The following CSMD3 variants were observed in gnomAD, a reference collection of about 807,000 sequenced individuals.
CSMD3 encodes the protein CUB and sushi domain-containing protein 3.
In CSMD3, 177 loss-of-function variants were observed where a neutral mutation model predicts 435.2. That is an observed-to-expected ratio of 0.41 (90% CI 0.36 to 0.46). CSMD3 has a LOEUF of 0.46. Ranked by LOEUF, CSMD3 falls within the 20% of genes least tolerant of loss-of-function variation. The pLI, the probability that CSMD3 is intolerant of heterozygous loss-of-function variation, is 0.34. For missense variants in CSMD3, 4,265 were observed against 4,504.6 expected (o/e 0.95, Z 1.52); for synonymous variants, 1,656 against 1,520.5 (o/e 1.09, Z -2.07).
intron 5 of CSMD3, among the ~76,000 whole-genome samples, chr8:113,026,169 A>G (rs1297545875): frequency 1.3e-5 from 2 of 152,176 alleles, no homozygotes; most frequent in Non-Finnish European, 2.9e-5. Context: ...CAAGAACTGT[A>G]GATGTGTATG....
At chr8:112,272,352 A>G (rs1161800832) in intron 59 of CSMD3, among the ~76,000 whole-genome samples, 3 of 152,302 alleles carry the variant, frequency 2.0e-5, no homozygotes, top group Admixed American at 6.5e-5. Context: ...TAACTGGCAT[A>G]CATCAAATAA....
intron 3 of CSMD3, among the ~76,000 whole-genome samples, chr8:113,212,287 T>C (rs1442866401): frequency 6.6e-6 from 1 of 152,154 alleles, no homozygotes; most frequent in African/African-American, 2.4e-5. Flanking sequence ...AGGATAACCA[T>C]ATTCACATAA....
chr8:112,701,085 A>T (rs1287237797), intron 13 of CSMD3, among the ~76,000 whole-genome samples: 1 of 152,134 alleles, frequency 6.6e-6, no homozygotes, highest in Non-Finnish European at 1.5e-5. Context: ...GCTGTCTTAG[A>T]AATACACCTC....
At chr8:113,179,956 A>AC (rs1264012973) in intron 3 of CSMD3, among the ~76,000 whole-genome samples, 17 of 151,930 alleles carry the variant, frequency 1.1e-4, no homozygotes, top group African/African-American at 4.1e-4. Flanking sequence ...AGAAAACCTT[A>AC]CCTTGAAAAT....
chr8:112,963,621 T>A (rs2084313426), intron 7 of CSMD3, among the ~76,000 whole-genome samples: 1 of 151,938 alleles, frequency 6.6e-6, no homozygotes, highest in Non-Finnish European at 1.5e-5. Flanking sequence ...AGCAATTATG[T>A]CTGTAAGAAA....
At position 113,019,100 on chromosome 8, in the gene CSMD3, G is replaced by T. The variant is rs1292775693; in HGVS notation, c.997C>A (p.His333Asn). The T allele has an allele frequency of 1.2e-6, 2 of 1,613,080 alleles. No homozygotes were observed. ...GGAGCACTAAATCCACGGTATCGAT[G>T]ATTGCTGTCTGTAACAAAATGCAGT... ...LRLHFVTDSN[H>N]RYRGFSAPYQ... Residue 333 changes from histidine to asparagine, a missense_variant, in exon 6 of 71, where the codon CAT becomes AAT. Coordinates refer to ENST00000297405, the MANE Select transcript of CSMD3 (RefSeq NM_198123.2).
chr8:112,639,439 G>A (rs1163356435), intron 20 of CSMD3, among the ~76,000 whole-genome samples: 1 of 152,050 alleles, frequency 6.6e-6, no homozygotes, highest in Non-Finnish European at 1.5e-5. Flanking sequence ...ATTTCAACCT[G>A]TGCATATAAT....
At chr8:112,354,553 C>G (rs980430115) in intron 38 of CSMD3, among the ~76,000 whole-genome samples, 1 of 152,100 alleles carries the variant, frequency 6.6e-6, no homozygotes, top group East Asian at 1.9e-4. Context: ...TATACACCAA[C>G]AACATCCAGG....
chr8:112,857,382 A>C (rs890391095), intron 11 of CSMD3, among the ~76,000 whole-genome samples: 1 of 151,788 alleles, frequency 6.6e-6, no homozygotes, highest in Non-Finnish European at 1.5e-5. Context: ...CTGAAACTTC[A>C]GGTAATTCTG....
intron 10 of CSMD3, 45 bp downstream of exon 10, chr8:112,921,582 T>A: frequency 6.7e-7 from 1 of 1,501,760 alleles, no homozygotes; most frequent in Non-Finnish European, 9.3e-7. Context: ...AAATAAAGGT[T>A]AAACTATTAA....
Position 112,968,640 on chromosome 8 carries a change from C to A in CSMD3, c.1342+7197G>T, listed in dbSNP as rs528779184. ...GTTTTACCTCATCCTTCCTCACATG[C>A]CATACCCATTCTGTGGTAATTCTTT... is the stretch of plus-strand genomic sequence containing the variant. On this transcript the variant is annotated intron_variant, in intron 7 of 70. Coordinates refer to ENST00000297405, the MANE Select transcript of CSMD3 (RefSeq NM_198123.2). 5.9e-5 allele frequency among the ~76,000 whole-genome samples: 9 copies of A among 152,050 alleles called. No individual in the cohort carries two copies. The East Asian group carries it at 9.6e-4, about 16-fold the overall frequency.
At chr8:113,378,696 G>C (rs187780607) in intron 1 of CSMD3, among the ~76,000 whole-genome samples, 147 of 152,128 alleles carry the variant, frequency 9.7e-4, no homozygotes, top group African/African-American at 3.3e-3. Flanking sequence ...AGCTAGGGGA[G>C]ATATTGCCAC....
chr8:112,390,882 A>G, intron 35 of CSMD3, 94 bp from the exon 36 acceptor site: 13 of 1,144,946 alleles, frequency 1.1e-5, no homozygotes, highest in Non-Finnish European at 1.7e-5. Flanking sequence ...GACAGATACT[A>G]GACTTGCAAA....
At chr8:112,892,801 C>A (rs146457148) in intron 10 of CSMD3, among the ~76,000 whole-genome samples, 178 of 151,474 alleles carry the variant, frequency 1.2e-3, no homozygotes, top group African/African-American at 4.0e-3. Context: ...ACTTAACCTG[C>A]AATTTTTCTC....
At chr8:112,941,609 T>C (rs1330948192) in intron 9 of CSMD3, among the ~76,000 whole-genome samples, 1 of 151,826 alleles carries the variant, frequency 6.6e-6, no homozygotes, top group Admixed American at 6.6e-5. Flanking sequence ...TCAAAGAGAT[T>C]ACTGCAATGT....
At chr8:113,376,888 G>A in intron 1 of CSMD3, 1 of 1,606,246 alleles carries the variant, frequency 6.2e-7, no homozygotes, top group Non-Finnish European at 8.5e-7. Context: ...GAAGCTTCCT[G>A]GCCGGGAAAA....
At chr8:113,249,060 A>G (rs866164042) in intron 3 of CSMD3, among the ~76,000 whole-genome samples, 1 of 152,152 alleles carries the variant, frequency 6.6e-6, no homozygotes, top group East Asian at 1.9e-4. Flanking sequence ...GGTTTCCTTC[A>G]TACTGTTCTC....
intron 35 of CSMD3, among the ~76,000 whole-genome samples, chr8:112,402,610 T>C (rs1327550702): frequency 6.6e-6 from 1 of 152,168 alleles, no homozygotes; most frequent in East Asian, 1.9e-4. Flanking sequence ...ACAGCATTGA[T>C]ATTTTCTGTC....
intron 5 of CSMD3, among the ~76,000 whole-genome samples, chr8:113,084,293 A>G (rs902510418): frequency 1.3e-5 from 2 of 152,098 alleles, no homozygotes; most frequent in African/African-American, 4.8e-5. Flanking sequence ...AATCAGCAGT[A>G]TTTCTATTCA....
Sources: gnomAD v4.1 joint callset for allele counts (sites outside exome capture counted in the v4.1 genomes callset) on GRCh38, gnomAD v4.1.1 for gene constraint, MANE v1.5 for transcripts, NCBI Gene and HGNC (gene_info 2026-07-23, HGNC 2026-07-21) for gene names.